The following CLYBL variants were observed in gnomAD, a reference collection of about 807,000 sequenced individuals.
CLYBL encodes the protein citramalyl-CoA lyase, mitochondrial.
CLYBL carries 31 observed loss-of-function variants against 38.9 expected under a neutral mutation model. That is an observed-to-expected ratio of 0.80 (90% confidence interval 0.60 to 1.08). CLYBL has a LOEUF of 1.08. Ranked by LOEUF, CLYBL falls within the 50% of genes least tolerant of loss-of-function variation. The probability of loss-of-function intolerance (pLI) is 0.00; values close to 1 mark genes in which losing one functional copy is unlikely to be tolerated. For missense variants in CLYBL, 434 were observed against 411.6 expected (o/e 1.05, Z -0.47); for synonymous variants, 171 against 158.6 (o/e 1.08, Z -0.59).
chr13:99,738,384 C>A (rs556075442), intron 1 of CLYBL, among the ~76,000 whole-genome samples: 88 of 152,242 alleles, frequency 5.8e-4, no homozygotes, highest in African/African-American at 2.0e-3. Flanking sequence ...GTGGCTATGG[C>A]ATTGTATAGG....
At chr13:99,615,042 G>A (rs2046687823) in intron 1 of CLYBL, among the ~76,000 whole-genome samples, 1 of 152,172 alleles carries the variant, frequency 6.6e-6, no homozygotes, top group Non-Finnish European at 1.5e-5. Flanking sequence ...CAGGATATCT[G>A]CAGGTAGTGT....
chr13:99,658,215 C>T (rs1445294569), intron 1 of CLYBL, among the ~76,000 whole-genome samples: 1 of 152,256 alleles, frequency 6.6e-6, no homozygotes, highest in Non-Finnish European at 1.5e-5. Flanking sequence ...CATGGCGCCC[C>T]CTCCTACCCT....
intron 2 of CLYBL, among the ~76,000 whole-genome samples, chr13:99,783,066 G>A (rs892523630): frequency 7.3e-5 from 11 of 151,252 alleles, no homozygotes; most frequent in African/African-American, 1.2e-4. Flanking sequence ...TTTTTGAGAC[G>A]AAGTCTTGCT....
intron 2 of CLYBL, among the ~76,000 whole-genome samples, chr13:99,798,597 T>C (rs564133013): frequency 7.2e-5 from 11 of 152,228 alleles, no homozygotes; most frequent in Non-Finnish European, 1.0e-4. Flanking sequence ...TATTAATACA[T>C]GTAAACATCC....
chr13:99,676,664 A>G (rs927556488), intron 1 of CLYBL, among the ~76,000 whole-genome samples: 6 of 151,246 alleles, frequency 4.0e-5, no homozygotes, highest in Non-Finnish European at 8.8e-5. Context: ...CACAATCTCG[A>G]CTTACTGCAA....
rs397816650 is a variant in CLYBL, at chr13:99,849,162, A to AC, written c.250-9698dup. ...CAAAAAAAGAAAAAAGAAAAAAAAA[A>AC]CACTATTGAGAAAGACAGTGTAAGC... On this transcript the variant is annotated intron_variant, in intron 2 of 8. Transcript: ENST00000339105. The surrounding 1 kb of genome is among the most constrained non-coding windows in gnomAD (Gnocchi z 4.9). 1.4e-4 allele frequency among the ~76,000 whole-genome samples: 21 copies of AC among 150,992 alleles called. No individual in the cohort carries two copies. Among genetic ancestry groups the AC allele is most frequent in the African/African-American group, 4.4e-4 (18 of 40,938 alleles).
intron 2 of CLYBL, among the ~76,000 whole-genome samples, chr13:99,808,898 A>G (rs1229161906): frequency 1.3e-5 from 2 of 152,226 alleles, no homozygotes; most frequent in Non-Finnish European, 2.9e-5. Context: ...TCTAAAGTAC[A>G]GTTGCTGACT....
chr13:99,785,689 C>T (rs949854149), intron 2 of CLYBL, among the ~76,000 whole-genome samples: 4 of 151,816 alleles, frequency 2.6e-5, no homozygotes, highest in South Asian at 2.1e-4. Flanking sequence ...ATCTGCCTCC[C>T]AGGTTCAAGC....
intron 2 of CLYBL, among the ~76,000 whole-genome samples, chr13:99,795,181 C>T (rs937329329): frequency 1.1e-4 from 17 of 152,072 alleles, no homozygotes; most frequent in African/African-American, 4.1e-4. Context: ...TAAAAATGTG[C>T]TATTTCAAAT....
chr13:99,797,627 C>T (rs2050050439), intron 2 of CLYBL, among the ~76,000 whole-genome samples: 2 of 146,390 alleles, frequency 1.4e-5, no homozygotes, highest in African/African-American at 5.2e-5. Context: ...CTTGGAGGAC[C>T]AGGCCTATTT....
At chr13:99,862,563 T>C (rs1228890044) in intron 3 of CLYBL, among the ~76,000 whole-genome samples, 1 of 152,232 alleles carries the variant, frequency 6.6e-6, no homozygotes, top group Non-Finnish European at 1.5e-5. Flanking sequence ...AGAAGGCTGC[T>C]GAACAGTTGC....
At chr13:99,825,214 G>A (rs2050672106) in intron 2 of CLYBL, among the ~76,000 whole-genome samples, 1 of 152,156 alleles carries the variant, frequency 6.6e-6, no homozygotes, top group Non-Finnish European at 1.5e-5. Context: ...GCAGCCCAAG[G>A]TAGAACTAGG....
At chr13:99,790,668 G>T (rs1368546778) in intron 2 of CLYBL, among the ~76,000 whole-genome samples, 1 of 152,146 alleles carries the variant, frequency 6.6e-6, no homozygotes, top group African/African-American at 2.4e-5. Flanking sequence ...CCCTTCGCAT[G>T]TTCAGAAGCA....
chr13:99,902,594 C>T (rs1313246130), intron 8 of CLYBL, among the ~76,000 whole-genome samples: 7 of 152,160 alleles, frequency 4.6e-5, no homozygotes, highest in Non-Finnish European at 7.3e-5. Flanking sequence ...TCCAGTGTAG[C>T]GTTTATAAAA....
intron 6 of CLYBL, among the ~76,000 whole-genome samples, chr13:99,866,637 C>CTT (rs61652863): frequency 5.8e-4 from 84 of 143,974 alleles, no homozygotes; most frequent in Middle Eastern, 3.6e-3. Context: ...ATATTAGTTG[C>CTT]TTTTTTTTTT....
At chr13:99,741,020 T>C (rs2048745823) in intron 1 of CLYBL, among the ~76,000 whole-genome samples, 2 of 152,208 alleles carry the variant, frequency 1.3e-5, no homozygotes, top group South Asian at 2.1e-4. Context: ...TGGAGACAAA[T>C]TGAAGTACAG....
At chr13:99,641,455 G>A (rs555800863) in intron 1 of CLYBL, among the ~76,000 whole-genome samples, 4 of 152,194 alleles carry the variant, frequency 2.6e-5, no homozygotes, top group Non-Finnish European at 4.4e-5. Context: ...GGATCACGAG[G>A]TCAGGAGATC....
intron 7 of CLYBL, among the ~76,000 whole-genome samples, chr13:99,889,901 T>G (rs962434034): frequency 4.6e-5 from 7 of 152,116 alleles, no homozygotes; most frequent in Non-Finnish European, 1.0e-4. Flanking sequence ...TAGATGCAAA[T>G]GGACCATCAT....
intron 1 of CLYBL, among the ~76,000 whole-genome samples, chr13:99,727,896 G>A (rs962761160): frequency 6.6e-6 from 1 of 152,100 alleles, no homozygotes; most frequent in Non-Finnish European, 1.5e-5. Context: ...TGGCCAACAT[G>A]GTGAAATCCT....
Sources: gnomAD v4.1 joint callset for allele counts (sites outside exome capture counted in the v4.1 genomes callset) on GRCh38, gnomAD v4.1.1 for gene constraint, Gnocchi (gnomAD v3.1) non-coding constraint, MANE v1.5 for transcripts, NCBI Gene and HGNC (gene_info 2026-07-23, HGNC 2026-07-21) for gene names.